The following ZC3H12B variants were observed in gnomAD, a reference collection of about 807,000 sequenced individuals.
ZC3H12B encodes zinc finger CCCH-type containing 12B.
Under a neutral mutation model 43.9 loss-of-function variants are expected in ZC3H12B, and 7 were observed. The ratio of observed to expected loss-of-function variants is 0.16; its 90% CI spans 0.09 to 0.30. The LOEUF is 0.30. ZC3H12B is among the 10% of genes least tolerant of loss of function. The probability of loss-of-function intolerance (pLI) is 1.00; values close to 1 mark genes in which losing one functional copy is unlikely to be tolerated. For synonymous variants in ZC3H12B, 222 were observed against 241.7 expected (o/e 0.92, Z 0.76); for missense variants, 475 against 670.2 (o/e 0.71, Z 3.22).
At chrX:65,300,620 A>G in the ZC3H12B span, among the ~76,000 whole-genome samples, 1 of 111,092 alleles carries the variant, frequency 9.0e-6, no homozygotes, top group African/African-American at 3.3e-5. Flanking sequence ...TGGGAAGACT[A>G]TGGCCCTGCC....
chrX:65,328,758 CT>C, the ZC3H12B span, among the ~76,000 whole-genome samples: 1 of 86,927 alleles, frequency 1.2e-5, no homozygotes, highest in Admixed American at 1.5e-4. Context: ...TCCATGTGTT[CT>C]CATTGTACAA....
At chrX:65,471,840 G>A (rs2067918857) in intron 3 of ZC3H12B, among the ~76,000 whole-genome samples, 1 of 111,395 alleles carries the variant, frequency 9.0e-6, no homozygotes, top group Admixed American at 9.6e-5. Context: ...CGAAATGTGA[G>A]GTACTGTTCG....
At chrX:65,226,526 TAAC>T in the ZC3H12B span, among the ~76,000 whole-genome samples, 1 of 111,272 alleles carries the variant, frequency 9.0e-6, no homozygotes, top group Non-Finnish European at 1.9e-5. Flanking sequence ...AATTCACACA[TAAC>T]AATATTAACT....
intron 2 of ZC3H12B, among the ~76,000 whole-genome samples, chrX:65,379,933 G>T (rs60003700): frequency 0.082 from 9,110 of 111,427 alleles, 1,018 homozygotes; most frequent in African/African-American, 0.29. Flanking sequence ...AATGAGCAAA[G>T]CCTCCAAGAA....
At chrX:65,287,425 G>C in the ZC3H12B span, among the ~76,000 whole-genome samples, 23 of 111,264 alleles carry the variant, frequency 2.1e-4, no homozygotes, top group Non-Finnish European at 4.0e-4. Context: ...ATGTGCTTGA[G>C]TATAACTATT....
chrX:65,323,944 G>A, the ZC3H12B span, among the ~76,000 whole-genome samples: 1 of 112,408 alleles, frequency 8.9e-6, no homozygotes, highest in Non-Finnish European at 1.9e-5. Flanking sequence ...CTAATGACCA[G>A]TGATGATGAG....
chrX:65,243,755 G>A, the ZC3H12B span, among the ~76,000 whole-genome samples: 5 of 111,816 alleles, frequency 4.5e-5, no homozygotes, highest in Non-Finnish European at 7.5e-5. Context: ...TAAAGAAAAT[G>A]TGTCAAAAAT....
chrX:65,163,182 G>C, the ZC3H12B span, among the ~76,000 whole-genome samples: 1 of 111,174 alleles, frequency 9.0e-6, no homozygotes, highest in Non-Finnish European at 1.9e-5. Flanking sequence ...CCCCTACTGG[G>C]GGGTGCCTCC....
At chrX:65,389,170 C>T (rs75020272) in intron 2 of ZC3H12B, among the ~76,000 whole-genome samples, 1 of 112,183 alleles carries the variant, frequency 8.9e-6, no homozygotes, top group South Asian at 3.7e-4. Flanking sequence ...AGCTGTCAGA[C>T]AGGGACATTT....
chrX:65,197,408 G>T, the ZC3H12B span, among the ~76,000 whole-genome samples: 1 of 112,210 alleles, frequency 8.9e-6, no homozygotes, highest in Non-Finnish European at 1.9e-5. Context: ...TAAGTAAAAT[G>T]TAAGAATTTG....
chrX:65,165,678 C>A, the ZC3H12B span, among the ~76,000 whole-genome samples: 2 of 112,593 alleles, frequency 1.8e-5, no homozygotes, highest in Admixed American at 1.9e-4. Flanking sequence ...GCCAAATTTT[C>A]TTTATCCAGT....
the ZC3H12B span, among the ~76,000 whole-genome samples, chrX:65,059,418 C>T: frequency 9.0e-6 from 1 of 111,204 alleles, no homozygotes; most frequent in South Asian, 3.8e-4. Flanking sequence ...GAGTAGAGGT[C>T]TAGTTTCATT....
the ZC3H12B span, among the ~76,000 whole-genome samples, chrX:65,148,303 C>T: frequency 4.5e-5 from 5 of 111,125 alleles, no homozygotes; most frequent in East Asian, 5.7e-4. Context: ...CATAATGCTC[C>T]GTGGGCTTGG....
the ZC3H12B span, among the ~76,000 whole-genome samples, chrX:65,319,618 A>AC: frequency 9.0e-6 from 1 of 111,349 alleles, no homozygotes; most frequent in Non-Finnish European, 1.9e-5. Context: ...AGACACACAC[A>AC]AAAAAAGGAA....
chrX:65,488,628 A>G, upstream of ZC3H12B: 1 of 453,089 alleles, frequency 2.2e-6, no homozygotes. Flanking sequence ...ATGATGTGGT[A>G]TGTGTGTTTA....
the ZC3H12B span, among the ~76,000 whole-genome samples, chrX:65,207,569 A>G: frequency 9.0e-6 from 1 of 110,724 alleles, no homozygotes; most frequent in Non-Finnish European, 1.9e-5. Flanking sequence ...CCAAAATCTT[A>G]GAAATTAACC....
At chrX:65,473,106 C>G (rs1056770739) in intron 3 of ZC3H12B, among the ~76,000 whole-genome samples, 1 of 104,095 alleles carries the variant, frequency 9.6e-6, no homozygotes, top group African/African-American at 3.5e-5. Flanking sequence ...CTCTGCCTCC[C>G]GGGTTCAAGC....
the ZC3H12B span, among the ~76,000 whole-genome samples, chrX:65,169,208 T>C: frequency 9.8e-5 from 11 of 112,121 alleles, no homozygotes; most frequent in Non-Finnish European, 1.5e-4. Flanking sequence ...GCTTTAAATG[T>C]GTCCCAGAGA....
chrX:65,212,662 A>G, the ZC3H12B span, among the ~76,000 whole-genome samples: 2 of 89,559 alleles, frequency 2.2e-5, no homozygotes, highest in African/African-American at 8.3e-5. Context: ...TATATTATAT[A>G]TAAATATATA....
Sources: allele counts gnomAD v4.1 joint callset (sites outside exome capture counted in the v4.1 genomes callset), GRCh38; gene constraint gnomAD v4.1.1; transcripts MANE v1.5; gene names NCBI Gene and HGNC (gene_info 2026-07-23, HGNC 2026-07-21).